The following ZBTB20 variants were observed in gnomAD, a reference collection of about 807,000 sequenced individuals.
ZBTB20 encodes the protein zinc finger and BTB domain-containing protein 20.
A neutral mutation model predicts 56.9 loss-of-function variants in ZBTB20; 9 were observed. The ratio of observed to expected loss-of-function variants is 0.16; its 90% CI spans 0.10 to 0.28. ZBTB20 has a LOEUF of 0.28. Ranked by LOEUF, ZBTB20 falls within the 10% of genes least tolerant of loss-of-function variation. ZBTB20 has a pLI of 1.00. For missense variants in ZBTB20, 655 were observed against 1,003.0 expected (o/e 0.65, Z 4.69); for synonymous variants, 417 against 420.7 (o/e 0.99, Z 0.11).
intron 10 of ZBTB20, among the ~76,000 whole-genome samples, chr3:114,361,067 T>C (rs868274064): frequency 7.2e-5 from 11 of 152,162 alleles, no homozygotes; most frequent in African/African-American, 2.2e-4. Context: ...ATATTTATTA[T>C]ATTATTTACA....
At chr3:114,551,509 G>C (rs927959219) in intron 6 of ZBTB20, among the ~76,000 whole-genome samples, 1 of 152,076 alleles carries the variant, frequency 6.6e-6, no homozygotes, top group African/African-American at 2.4e-5. Flanking sequence ...AAGCAATAAG[G>C]GCCTCAGAAA....
chr3:114,439,044 A>T (rs2090733331), intron 7 of ZBTB20, among the ~76,000 whole-genome samples: 1 of 152,158 alleles, frequency 6.6e-6, no homozygotes, highest in Non-Finnish European at 1.5e-5. Flanking sequence ...GGGTCTGCCA[A>T]CATATTTGAT....
At chr3:114,544,402 ATTTCTTCTTTCTTTCTTTC>A (rs1485675187) in intron 6 of ZBTB20, among the ~76,000 whole-genome samples, 3 of 146,966 alleles carry the variant, frequency 2.0e-5, no homozygotes, top group Non-Finnish European at 4.5e-5. Context: ...TAAAAACTAG[ATTTCTTCTTTCTTTCTTTC>A]TTTCTTTCTT....
At chr3:114,675,226 A>C (rs1299746092) in intron 6 of ZBTB20, among the ~76,000 whole-genome samples, 1 of 151,570 alleles carries the variant, frequency 6.6e-6, no homozygotes, top group Non-Finnish European at 1.5e-5. Context: ...AAAGTGGAAA[A>C]ACTGACAGCA....
At chr3:114,593,809 T>C (rs1310752799) in intron 6 of ZBTB20, among the ~76,000 whole-genome samples, 1 of 152,142 alleles carries the variant, frequency 6.6e-6, no homozygotes, top group Non-Finnish European at 1.5e-5. Flanking sequence ...TGCCTATCAT[T>C]AGGCATCACA....
chr3:114,810,194 T>A (rs1206640192), intron 4 of ZBTB20, among the ~76,000 whole-genome samples: 2 of 152,204 alleles, frequency 1.3e-5, no homozygotes, highest in East Asian at 3.8e-4. Flanking sequence ...GTCCAAAGCC[T>A]TAGGTCTTCC....
At chr3:115,133,976 G>A (rs1334352673) in intron 1 of ZBTB20, among the ~76,000 whole-genome samples, 6 of 152,122 alleles carry the variant, frequency 3.9e-5, no homozygotes, top group African/African-American at 1.4e-4. Flanking sequence ...TCTTTCCAAA[G>A]AACCAGCCTT....
chr3:114,774,643 C>A (rs2108752613), intron 5 of ZBTB20, among the ~76,000 whole-genome samples: 1 of 152,230 alleles, frequency 6.6e-6, no homozygotes, highest in African/African-American at 2.4e-5. Context: ...GGGTGGATAA[C>A]AAATCTCGCC....
Position 114,689,477 on chromosome 3 carries a change from C to T in ZBTB20, c.-295+4051G>A, listed in dbSNP as rs573722580. 4.6e-5 allele frequency among the ~76,000 whole-genome samples: 7 copies of T among 152,088 alleles called. No individual in the cohort carries two copies. The South Asian group carries it at 6.2e-4, about 14-fold the overall frequency. On this transcript the variant is annotated intron_variant, in intron 6 of 11. Coordinates refer to ENST00000675478, the MANE Select transcript of ZBTB20 (RefSeq NM_001348800.3). ...AGGTGGAAGGTGTATCGTACTAGTT[C>T]GTTCTAAGAAATGTCTTATAGCTTG...
At chr3:114,469,439 T>G (rs1037828222) in intron 7 of ZBTB20, among the ~76,000 whole-genome samples, 1 of 152,190 alleles carries the variant, frequency 6.6e-6, no homozygotes, top group Non-Finnish European at 1.5e-5. Flanking sequence ...CCCAGTGCAC[T>G]GTATGATGAT....
chr3:114,731,262 C>T (rs1303869213), intron 5 of ZBTB20, among the ~76,000 whole-genome samples: 1 of 152,136 alleles, frequency 6.6e-6, no homozygotes, highest in Non-Finnish European at 1.5e-5. Context: ...GCCACTTATA[C>T]CTGAAGATGT....
chr3:114,604,144 C>T (rs999679629), intron 6 of ZBTB20, among the ~76,000 whole-genome samples: 2 of 151,836 alleles, frequency 1.3e-5, no homozygotes, highest in African/African-American at 2.4e-5. Flanking sequence ...GTTTATCAAT[C>T]GGGACTGAAT....
chr3:115,015,592 A>G (rs1199303525), intron 2 of ZBTB20, among the ~76,000 whole-genome samples: 1 of 151,788 alleles, frequency 6.6e-6, no homozygotes, highest in Admixed American at 6.6e-5. Context: ...TTCCTCTATC[A>G]GTTTGCTGAG....
intron 3 of ZBTB20, among the ~76,000 whole-genome samples, chr3:114,959,829 CA>C: frequency 6.6e-6 from 1 of 151,720 alleles, no homozygotes. Flanking sequence ...GTGGCAAATA[CA>C]AAAGTCTTTC....
intron 6 of ZBTB20, among the ~76,000 whole-genome samples, chr3:114,685,510 G>A (rs1332679972): frequency 6.6e-6 from 1 of 152,110 alleles, no homozygotes; most frequent in African/African-American, 2.4e-5. Context: ...TGTGCAGCTG[G>A]GACTCTGCTT....
intron 7 of ZBTB20, among the ~76,000 whole-genome samples, chr3:114,464,123 C>T (rs2092442720): frequency 6.6e-6 from 1 of 152,184 alleles, no homozygotes; most frequent in Non-Finnish European, 1.5e-5. Context: ...CAGTGGTTTA[C>T]AAGTAGCATT....
chr3:114,845,484 G>A (rs1354604820), intron 4 of ZBTB20, among the ~76,000 whole-genome samples: 1 of 151,302 alleles, frequency 6.6e-6, no homozygotes, highest in Non-Finnish European at 1.5e-5. Flanking sequence ...ATGTAAAGCA[G>A]TAAGTCCCCT....
At chr3:114,652,540 T>A (rs2060189752) in intron 6 of ZBTB20, among the ~76,000 whole-genome samples, 1 of 152,040 alleles carries the variant, frequency 6.6e-6, no homozygotes, top group Non-Finnish European at 1.5e-5. Flanking sequence ...CCAAACAATA[T>A]GGTAGGCATA....
intron 2 of ZBTB20, among the ~76,000 whole-genome samples, chr3:114,978,667 GGTGT>G (rs3086036): frequency 1.3e-5 from 2 of 149,606 alleles, no homozygotes; most frequent in Non-Finnish European, 3.0e-5. Context: ...GTATGTACCA[GGTGT>G]GTGTGTGTGT....
Sources: allele counts gnomAD v4.1 joint callset (sites outside exome capture counted in the v4.1 genomes callset), GRCh38; gene constraint gnomAD v4.1.1; transcripts MANE v1.5; gene names NCBI Gene and HGNC (gene_info 2026-07-23, HGNC 2026-07-21).